PJA2: variants seen among roughly 807,000 people sequenced by gnomAD.
PJA2 encodes the protein E3 ubiquitin-protein ligase Praja-2.
PJA2 carries 25 observed loss-of-function variants against 69.3 expected under a neutral mutation model. The observed-to-expected ratio is 0.36, with a 90% CI of 0.26 to 0.50. PJA2 has a LOEUF of 0.50. PJA2 is among the 20% of genes least tolerant of loss of function. The pLI is 0.96. For synonymous variants in PJA2, 308 were observed against 277.8 expected (o/e 1.11, Z -1.08); for missense variants, 809 against 830.2 (o/e 0.97, Z 0.31).
In PJA2 at chr5:109,379,096, T is replaced by C. The variant is rs778482412; in HGVS notation, c.391A>G (p.Thr131Ala). Residue 131 changes from threonine (T) to alanine (A), a missense_variant, in exon 4 of 10, where the codon ACC becomes GCC. This residue lies in a region of PJA2 where 700 missense variants were observed against 639.5 expected (regional missense o/e 1.09). Coordinates refer to ENST00000361189, the MANE Select transcript of PJA2 (RefSeq NM_014819.5). The stretch of plus-strand genomic sequence containing the variant: ...TGAAGATTTGTACTGCTTCCTAAGG[T>C]ATCCCTGCCTTCCTCACTGTGATGT... ...AVHHSEEGRD[T>A]LGSSTNLHNH... The C allele has an allele frequency of 6.2e-7, 1 of 1,614,012 alleles. No homozygotes were observed. The highest frequency in any genetic ancestry group is 1.3e-5 in the African/African-American group (1 of 74,916).
At chr5:109,346,120 A>G (rs1762169360) in intron 7 of PJA2, among the ~76,000 whole-genome samples, 1 of 152,200 alleles carries the variant, frequency 6.6e-6, no homozygotes, top group Non-Finnish European at 1.5e-5. Flanking sequence ...AGACTGCACG[A>G]GTATCCTTCT....
chr5:109,343,788 A>G (rs1233179465), intron 9 of PJA2, among the ~76,000 whole-genome samples: 1 of 152,226 alleles, frequency 6.6e-6, no homozygotes, highest in Admixed American at 6.5e-5. Flanking sequence ...CGGCTAAATA[A>G]AACAGGTTTA....
chr5:109,374,823 C>T (rs1407197186), intron 4 of PJA2, among the ~76,000 whole-genome samples: 1 of 152,110 alleles, frequency 6.6e-6, no homozygotes, highest in African/African-American at 2.4e-5. Flanking sequence ...CAGTTAGGCC[C>T]AAGGTTAAGA....
intron 9 of PJA2, among the ~76,000 whole-genome samples, chr5:109,339,723 A>G (rs1214486754): frequency 1.3e-5 from 2 of 152,242 alleles, no homozygotes; most frequent in East Asian, 3.8e-4. Context: ...TCTAACTTTC[A>G]TTAGTAATAA....
intron 5 of PJA2, among the ~76,000 whole-genome samples, chr5:109,367,158 A>ATATATATCTATGATGTATATT (rs1762598245): frequency 2.0e-5 from 3 of 148,120 alleles, no homozygotes; most frequent in Non-Finnish European, 3.0e-5. Flanking sequence ...ATATATATAT[A>ATATATATCTATGATGTATATT]TATATATCTA....
chr5:109,339,461 G>A (rs1762003598), intron 9 of PJA2, among the ~76,000 whole-genome samples: 2 of 152,108 alleles, frequency 1.3e-5, no homozygotes, highest in African/African-American at 4.8e-5. Context: ...GAAATGAAAA[G>A]AAAGTACCTC....
chr5:109,355,246 G>T lies in PJA2; in HGVS notation c.1764+669C>A, dbSNP rs532759826. Among the ~76,000 whole-genome samples, 5 of 152,252 alleles carry T rather than the reference G, an allele frequency of 3.3e-5. No individual in the cohort carries two copies. The East Asian group carries it at 9.6e-4, about 29-fold the overall frequency. The stretch of plus-strand genomic sequence containing the variant: ...TCTCTCACCTGTGGCTCATTCACCA[G>T]TCATTTCTGTACCTATATTTTGGAA... On this transcript the variant is annotated intron_variant, in intron 7 of 9. Transcript: ENST00000361189.
At chr5:109,382,679 C>G (rs1747078546) in intron 2 of PJA2, among the ~76,000 whole-genome samples, 2 of 152,190 alleles carry the variant, frequency 1.3e-5, no homozygotes, top group Non-Finnish European at 1.5e-5. Flanking sequence ...GAAACCCCGT[C>G]TCTACTAAAA....
intron 1 of PJA2, among the ~76,000 whole-genome samples, chr5:109,406,039 CATT>C (rs1747683145): frequency 7.4e-6 from 1 of 135,952 alleles, no homozygotes; most frequent in African/African-American, 2.8e-5. Flanking sequence ...AAGACAAACC[CATT>C]TTTTTTTTTT....
intron 7 of PJA2, among the ~76,000 whole-genome samples, chr5:109,347,663 A>G (rs192059822): frequency 8.0e-4 from 121 of 151,752 alleles, no homozygotes; most frequent in African/African-American, 2.7e-3. Context: ...CTGCCAGCAC[A>G]GTACCATAAA....
At chr5:109,350,106 C>T (rs992758690) in intron 7 of PJA2, among the ~76,000 whole-genome samples, 1 of 152,086 alleles carries the variant, frequency 6.6e-6, no homozygotes, top group Non-Finnish European at 1.5e-5. Context: ...TCAATGGGTT[C>T]ATTATCTCTT....
intron 9 of PJA2, among the ~76,000 whole-genome samples, chr5:109,339,637 A>G (rs1307604472): frequency 6.6e-6 from 1 of 152,220 alleles, no homozygotes; most frequent in Admixed American, 6.5e-5. Context: ...CTGCTTCCCC[A>G]ATAATTTTAA....
chr5:109,389,578 TTAAC>T (rs202095578), intron 1 of PJA2, among the ~76,000 whole-genome samples: 25 of 152,182 alleles, frequency 1.6e-4, no homozygotes, highest in Admixed American at 5.2e-4. Flanking sequence ...AAAAGTTTTC[TTAAC>T]TAACTGACTG....
intron 7 of PJA2, 139 bp downstream of exon 7, chr5:109,355,776 C>A: frequency 1.9e-6 from 1 of 537,964 alleles, no homozygotes; most frequent in Non-Finnish European, 3.2e-6. Flanking sequence ...ATACTGGTGA[C>A]AATTATTATT....
chr5:109,344,809 G>T lies in PJA2; in HGVS notation c.1775C>A (p.Ala592Asp). Residue 592 changes from alanine to aspartate, a missense_variant, in exon 8 of 10, where the codon GCC becomes GAC. Ala to Asp is a moderately radical substitution (Grantham distance 126). This residue lies in a region of PJA2 where 55 missense variants were observed against 90.7 expected (regional missense o/e 0.61). Transcript: ENST00000361189. ...RLAQAMETALAHLESLAVDVE... is the reference protein window; with the variant it reads ...RLAQAMETALDHLESLAVDVE... ...ATCCACTGCAAGAGACTCTAAATGGGCCAGAGCAGTCTGAAAAACAAAAGG... is the reference window on the plus strand; with the variant it reads ...ATCCACTGCAAGAGACTCTAAATGGTCCAGAGCAGTCTGAAAAACAAAAGG... 6.2e-7 allele frequency: 1 copy of T among 1,609,056 alleles called. No individual in the cohort carries two copies.
At chr5:109,384,331 G>T (rs1747114234) in intron 1 of PJA2, among the ~76,000 whole-genome samples, 2 of 152,156 alleles carry the variant, frequency 1.3e-5, no homozygotes, top group South Asian at 4.1e-4. Context: ...CTTTGCAATA[G>T]TCAGTTGATC....
chr5:109,383,313 G>T, intron 2 of PJA2, 90 bp downstream of exon 2: 4 of 1,147,252 alleles, frequency 3.5e-6, no homozygotes, highest in Non-Finnish European at 5.2e-6. Context: ...AAGACCACAG[G>T]TCAGATGATC....
intron 1 of PJA2, among the ~76,000 whole-genome samples, chr5:109,400,197 C>G (rs903473588): frequency 1.3e-5 from 2 of 150,842 alleles, no homozygotes; most frequent in Non-Finnish European, 3.0e-5. Context: ...GGCTGAGGTA[C>G]GGAGAATCGC....
intron 1 of PJA2, among the ~76,000 whole-genome samples, chr5:109,387,800 C>A (rs1747192545): frequency 7.0e-6 from 1 of 142,708 alleles, no homozygotes; most frequent in Non-Finnish European, 1.5e-5. Context: ...ACACTTCTCA[C>A]AGTAAACTAG....
Sources: allele counts gnomAD v4.1 joint callset (sites outside exome capture counted in the v4.1 genomes callset), GRCh38; gene constraint gnomAD v4.1.1; regional missense constraint gnomAD v4.1.1; transcripts MANE v1.5; gene names NCBI Gene and HGNC (gene_info 2026-07-23, HGNC 2026-07-21).